PREX2: variants seen among roughly 807,000 people sequenced by gnomAD.
PREX2 encodes the protein phosphatidylinositol 3,4,5-trisphosphate-dependent Rac exchanger 2 protein.
PREX2 carries 107 observed loss-of-function variants against 203.2 expected under a neutral mutation model. The observed-to-expected ratio is 0.53, with a 90% CI of 0.45 to 0.62. The LOEUF is 0.62. Ranked by LOEUF, PREX2 falls within the 20% of genes least tolerant of loss-of-function variation. The probability of loss-of-function intolerance (pLI) is 0.00; values close to 1 mark genes in which losing one functional copy is unlikely to be tolerated. For synonymous variants in PREX2, 672 were observed against 663.6 expected (o/e 1.01, Z -0.19); for missense variants, 1,777 against 1,955.9 (o/e 0.91, Z 1.72).
At chr8:68,017,427 T>G (rs984601956) in intron 1 of PREX2, among the ~76,000 whole-genome samples, 1 of 152,200 alleles carries the variant, frequency 6.6e-6, no homozygotes, top group Admixed American at 6.5e-5. Flanking sequence ...CTACCTATCT[T>G]CTATCTATTT....
At chr8:68,093,461 A>T in intron 20 of PREX2, 144 bp from the exon 21 acceptor site, 1 of 451,666 alleles carries the variant, frequency 2.2e-6, no homozygotes, top group Non-Finnish European at 4.1e-6. Flanking sequence ...AGTTTTTATT[A>T]GTTTCTGATG....
At chr8:68,131,200 T>C (rs1811003198) in intron 31 of PREX2, among the ~76,000 whole-genome samples, 1 of 152,232 alleles carries the variant, frequency 6.6e-6, no homozygotes, top group African/African-American at 2.4e-5. Flanking sequence ...AAGTGGTATG[T>C]TGAGAAGCTG....
At chr8:68,162,156 GT>G (rs1811669147) in intron 35 of PREX2, among the ~76,000 whole-genome samples, 1 of 152,232 alleles carries the variant, frequency 6.6e-6, no homozygotes, top group Non-Finnish European at 1.5e-5. Flanking sequence ...CCAGATTTAG[GT>G]TGGGACACAG....
intron 7 of PREX2, among the ~76,000 whole-genome samples, chr8:68,038,700 C>G (rs766356374): frequency 6.6e-6 from 1 of 152,074 alleles, no homozygotes; most frequent in Non-Finnish European, 1.5e-5. Context: ...CTTTCCTCTC[C>G]ACTACCTTTC....
At chr8:68,173,404 A>G (rs796690306) in intron 35 of PREX2, among the ~76,000 whole-genome samples, 3 of 152,308 alleles carry the variant, frequency 2.0e-5, no homozygotes, top group African/African-American at 7.2e-5. Context: ...TGAAAACAAT[A>G]TATATCGTCT....
intron 37 of PREX2, among the ~76,000 whole-genome samples, chr8:68,193,598 T>A (rs1327968149): frequency 1.3e-5 from 2 of 152,050 alleles, no homozygotes; most frequent in African/African-American, 4.8e-5. Context: ...TCAAAAATAT[T>A]AACAAAAATA....
At chr8:68,039,976 G>T (rs1306921371) in intron 7 of PREX2, among the ~76,000 whole-genome samples, 1 of 152,118 alleles carries the variant, frequency 6.6e-6, no homozygotes, top group African/African-American at 2.4e-5. Flanking sequence ...AGATCATGTT[G>T]TCACCTTGCT....
intron 6 of PREX2, among the ~76,000 whole-genome samples, chr8:68,031,746 T>C (rs1807888546): frequency 6.6e-6 from 1 of 152,188 alleles, no homozygotes; most frequent in African/African-American, 2.4e-5. Context: ...TGGTTGTGTG[T>C]TTTACAGTTG....
chr8:67,996,234 C>T (rs1053835434), intron 1 of PREX2, among the ~76,000 whole-genome samples: 1 of 152,008 alleles, frequency 6.6e-6, no homozygotes, highest in African/African-American at 2.4e-5. Flanking sequence ...CTTGCTCTGT[C>T]AGCCATACTG....
intron 1 of PREX2, among the ~76,000 whole-genome samples, chr8:67,981,554 C>G (rs913325769): frequency 6.6e-5 from 10 of 152,240 alleles, no homozygotes; most frequent in South Asian, 4.1e-4. Flanking sequence ...TCCTTGTGAA[C>G]AGGAAACTAA....
At chr8:68,199,137 TG>T (rs949541712) in intron 37 of PREX2, among the ~76,000 whole-genome samples, 2 of 136,844 alleles carry the variant, frequency 1.5e-5, no homozygotes, top group Non-Finnish European at 3.0e-5. Flanking sequence ...TGCATTGGCA[TG>T]GGGGGGTTCA....
intron 37 of PREX2, among the ~76,000 whole-genome samples, chr8:68,194,717 C>A (rs1222588178): frequency 6.6e-6 from 1 of 151,660 alleles, no homozygotes; most frequent in Non-Finnish European, 1.5e-5. Context: ...AGGAGAATCG[C>A]TTGAATCTGG....
chr8:68,051,940 A>G (rs1022014389), intron 8 of PREX2, among the ~76,000 whole-genome samples: 2 of 152,150 alleles, frequency 1.3e-5, no homozygotes, highest in South Asian at 2.1e-4. Context: ...GCATCATTTG[A>G]TAATGGATTT....
chr8:68,191,765 T>A lies in PREX2; in HGVS notation c.4390T>A (p.Ser1464Thr). ...GTCAAATTCACCACCAAACTCCACA[T>A]CCAAAGCTGCCTATGTAGATAAGGT... ...DKSNSPPNST[S>T]KAAYVDKLMR... Residue 1464 changes from serine (S) to threonine (T), a missense_variant, in exon 36 of 40, where the codon TCC becomes ACC. By Grantham distance (58) the Ser-to-Thr change is moderately conservative. Transcript: ENST00000288368. 1 of 1,609,610 alleles carries A rather than the reference T, an allele frequency of 6.2e-7. No individual in the cohort carries two copies. Among genetic ancestry groups the A allele is most frequent in the Non-Finnish European group, 8.5e-7 (1 of 1,176,050 alleles).
rs200360562 is a variant in PREX2, at chr8:68,038,275, C to T, written c.822C>T (p.Tyr274=). ...TTCTTTTCGATAATCTTTTGGTGTACTGCAAAAGAAAACACAGGTAAGATC... is the reference window on the plus strand; with the variant it reads ...TTCTTTTCGATAATCTTTTGGTGTATTGCAAAAGAAAACACAGGTAAGATC... ...VFFLFDNLLV[Y]CKRKHRRLKN... is the part of the protein sequence containing the mutation. The change falls in exon 7 of 40, where the codon TAC becomes TAT. Residue 274 remains tyrosine (Y), a synonymous_variant. Transcript: ENST00000288368. The T allele has an allele frequency of 1.1e-5, 17 of 1,613,708 alleles. No individual in the cohort carries two copies. The East Asian group carries it at 1.3e-4, about 13-fold the overall frequency.
intron 39 of PREX2, among the ~76,000 whole-genome samples, chr8:68,228,817 G>A (rs1813105526): frequency 6.6e-6 from 1 of 150,930 alleles, no homozygotes; most frequent in South Asian, 2.1e-4. Context: ...CGGGCTGTCA[G>A]CCTGTGGTCC....
At chr8:68,120,076 A>T (rs1198513973) in intron 28 of PREX2, 120 bp from the exon 29 acceptor site, 2 of 615,870 alleles carry the variant, frequency 3.2e-6, no homozygotes, top group African/African-American at 3.7e-5. Context: ...TTTCACAAGC[A>T]TCATGGGGTT....
At chr8:67,975,409 C>T (rs1388750342) in intron 1 of PREX2, among the ~76,000 whole-genome samples, 2 of 150,980 alleles carry the variant, frequency 1.3e-5, no homozygotes, top group Non-Finnish European at 2.9e-5. Context: ...ATTTCTAATG[C>T]AGTGCCAGGC....
intron 34 of PREX2, among the ~76,000 whole-genome samples, chr8:68,155,576 T>C: frequency 6.6e-6 from 1 of 152,236 alleles, no homozygotes; most frequent in East Asian, 1.9e-4. Context: ...AATCTCGTGA[T>C]TTAGTTTAGA....
Sources: gnomAD v4.1 joint callset for allele counts (sites outside exome capture counted in the v4.1 genomes callset) on GRCh38, gnomAD v4.1.1 for gene constraint, MANE v1.5 for transcripts, NCBI Gene and HGNC (gene_info 2026-07-23, HGNC 2026-07-21) for gene names.